TXN2: variants seen among roughly 807,000 people sequenced by gnomAD.
The protein encoded by TXN2 is thioredoxin, mitochondrial.
A neutral mutation model predicts 14.6 loss-of-function variants in TXN2; 12 were observed. The observed-to-expected ratio is 0.82, with a 90% confidence interval of 0.53 to 1.33. TXN2 has a LOEUF of 1.33. Among genes scored for constraint, TXN2 ranks in the 40% most tolerant of loss-of-function variants. The pLI is 0.00. For missense variants in TXN2, 173 were observed against 207.7 expected, an observed-to-expected ratio of 0.83 and a Z score of 1.03; for synonymous variants, 89 against 81.0, an observed-to-expected ratio of 1.10 and a Z score of -0.53.
intron 1 of TXN2, chr22:36,481,107 C>A: frequency 2.6e-6 from 1 of 383,014 alleles, no homozygotes; most frequent in East Asian, 4.4e-5. Context: ...GAGGAAGAAA[C>A]CAACAGATTT....
chr22:36,474,338 C>T (rs1444492230), intron 3 of TXN2, among the ~76,000 whole-genome samples: 2 of 152,132 alleles, frequency 1.3e-5, no homozygotes, highest in African/African-American at 2.4e-5. Flanking sequence ...GACTGATGTT[C>T]CTTTGGGTAA....
chr22:36,473,890 A>G lies in TXN2; in HGVS notation c.387+2843T>C, dbSNP rs374783414. Reference sequence around the variant, plus strand: ...TTCCCGCCACCCCACGAGACACTGGAGCAGGGCCTGTGGGCTTCTTTGCAT... The same window carrying G: ...TTCCCGCCACCCCACGAGACACTGGGGCAGGGCCTGTGGGCTTCTTTGCAT... On this transcript the variant is annotated intron_variant, in intron 3 of 3. Transcript: ENST00000216185. 3.2e-3 allele frequency among the ~76,000 whole-genome samples: 493 copies of G among 152,300 alleles called. 3 individuals carry two copies. Among genetic ancestry groups the G allele is most frequent in the African/African-American group, 0.011 (472 of 41,572 alleles).
chr22:36,467,756 C>T lies in TXN2; in HGVS notation c.*48G>A, dbSNP rs745878625. 3 of 1,507,048 alleles carry T rather than the reference C, an allele frequency of 2.0e-6. No individual in the cohort carries two copies. Among genetic ancestry groups the T allele is most frequent in the Non-Finnish European group, 9.2e-7 (1 of 1,084,428 alleles). The allele number at this position is 1,507,048 out of a possible 1,614,324, so 93.4% of individuals were successfully genotyped here. ...AGGGCTGGCATGGAAGGGCTGAGTT[C>T]TATTGGGGTCCCACGCGGGCAAGGG... On this transcript the variant is annotated 3_prime_UTR_variant, in exon 4 of 4. Coordinates refer to ENST00000216185, the MANE Select transcript of TXN2 (RefSeq NM_012473.4).
In TXN2 at chr22:36,476,867, G is replaced by A. The variant is rs369418045; in HGVS notation, c.264-11C>T. On this transcript the variant is annotated splice_polypyrimidine_tract_variant and intron_variant, in intron 2 of 3. Transcript: ENST00000216185. ...CAGGGTCCACACCACCTCAAAAGGC[G>A]AGAAAGGAAGCATCCAGTCAGTCAA... 4.8e-5 allele frequency: 77 copies of A among 1,614,076 alleles called. No individual in the cohort carries two copies. The highest frequency in any genetic ancestry group is 1.6e-4 in the Middle Eastern group (1 of 6,062).
rs534656599 is a variant in TXN2 at position 36,467,773 on chromosome 22, G to C, written c.*31C>G. On this transcript the variant is annotated 3_prime_UTR_variant, in exon 4 of 4. Coordinates refer to ENST00000216185, the MANE Select transcript of TXN2 (RefSeq NM_012473.4). Reference sequence around the variant, plus strand: ...GCTGAGTTCTATTGGGGTCCCACGCGGGCAAGGGAACCAGGACTCATCCCT... The same window carrying C: ...GCTGAGTTCTATTGGGGTCCCACGCCGGCAAGGGAACCAGGACTCATCCCT... The C allele has an allele frequency of 1.9e-6, 3 of 1,571,168 alleles. No individual in the cohort carries two copies. The highest frequency in any genetic ancestry group is 1.8e-6 in the Non-Finnish European group (2 of 1,142,290).
chr22:36,470,290 C>T (rs1310758035), intron 3 of TXN2, among the ~76,000 whole-genome samples: 4 of 152,230 alleles, frequency 2.6e-5, no homozygotes, highest in Admixed American at 2.0e-4. Flanking sequence ...TTGTTAGTGC[C>T]TCAGGCCCCT....
In TXN2 at chr22:36,480,635, G is replaced by A; in HGVS notation, c.203C>T (p.Pro68Leu). 1 of 1,614,186 alleles carries A rather than the reference G, an allele frequency of 6.2e-7. No homozygotes were observed. Among genetic ancestry groups the A allele is most frequent in the Middle Eastern group, 1.7e-4 (1 of 6,020 alleles). Residue 68 changes from proline to leucine, a missense_variant, in exon 2 of 4, where the codon CCT (proline) becomes CTT (leucine). Coordinates refer to ENST00000216185, the MANE Select transcript of TXN2 (RefSeq NM_012473.4). ...GTTGACCACTCGGTCTTGAAAGTCA[G>A]GTCCATCCTGGATATTAAAGGTTGT... Reference protein sequence around the residue: ...SLTTFNIQDGPDFQDRVVNSE... With the variant: ...SLTTFNIQDGLDFQDRVVNSE...
intron 3 of TXN2, among the ~76,000 whole-genome samples, chr22:36,469,637 T>G (rs1406994310): frequency 6.6e-6 from 1 of 152,178 alleles, no homozygotes; most frequent in Non-Finnish European, 1.5e-5. Context: ...CTGGCATTCG[T>G]GGGCATTTGA....
At chr22:36,469,481 T>G (rs897032989) in intron 3 of TXN2, among the ~76,000 whole-genome samples, 2 of 152,216 alleles carry the variant, frequency 1.3e-5, no homozygotes, top group African/African-American at 4.8e-5. Context: ...ATTAGCAGGT[T>G]GCAGGCAGAT....
chr22:36,476,212 G>A (rs1279212874), intron 3 of TXN2, among the ~76,000 whole-genome samples: 1 of 152,098 alleles, frequency 6.6e-6, no homozygotes, highest in East Asian at 1.9e-4. Context: ...TGGGTCATAC[G>A]ATCTACTTCC....
chr22:36,481,536 C>T, intron 1 of TXN2, 28 bp downstream of exon 1: 13 of 994,298 alleles, frequency 1.3e-5, no homozygotes, highest in Non-Finnish European at 1.6e-5. Flanking sequence ...CGCGACACCA[C>T]CTCGAGCCAC....
chr22:36,473,268 C>T (rs569971457), intron 3 of TXN2, among the ~76,000 whole-genome samples: 1 of 152,144 alleles, frequency 6.6e-6, no homozygotes, highest in African/African-American at 2.4e-5. Flanking sequence ...CATGGTAAAA[C>T]CTTGTCTCTA....
At chr22:36,479,113 GAC>G (rs1249264248) in intron 2 of TXN2, among the ~76,000 whole-genome samples, 1 of 152,104 alleles carries the variant, frequency 6.6e-6, no homozygotes, top group Non-Finnish European at 1.5e-5. Context: ...TAGCCTGGGT[GAC>G]AGAGTGAGAC....
intron 2 of TXN2, among the ~76,000 whole-genome samples, chr22:36,479,118 A>G (rs1203586624): frequency 6.6e-6 from 1 of 151,912 alleles, no homozygotes; most frequent in East Asian, 1.9e-4. Context: ...TGGGTGACAG[A>G]GTGAGACCTT....
intron 3 of TXN2, among the ~76,000 whole-genome samples, chr22:36,473,703 G>A (rs893157816): frequency 6.6e-6 from 1 of 152,178 alleles, no homozygotes; most frequent in Admixed American, 6.5e-5. Flanking sequence ...AGGCCTTTCT[G>A]TGTGACAGCA....
chr22:36,476,960 T>G, intron 2 of TXN2, 104 bp from the exon 3 acceptor site: 1 of 1,534,298 alleles, frequency 6.5e-7, no homozygotes, highest in Non-Finnish European at 8.8e-7. Flanking sequence ...TTGCCCTTAT[T>G]ATCTCTGTTT....
At chr22:36,475,398 C>T (rs1187082300) in intron 3 of TXN2, among the ~76,000 whole-genome samples, 1 of 152,196 alleles carries the variant, frequency 6.6e-6, no homozygotes. Flanking sequence ...AAAACCCTGC[C>T]TCATACGCAG....
chr22:36,471,892 T>C (rs8136921), intron 3 of TXN2, among the ~76,000 whole-genome samples: 34,368 of 150,306 alleles, frequency 0.23, 4,402 homozygotes, highest in African/African-American at 0.35. Flanking sequence ...AGTGCTTGAA[T>C]GCGGGAGATG....
rs567685859 is a variant in TXN2 at position 36,467,598 on chromosome 22, G to A, written c.*206C>T. On this transcript the variant is annotated 3_prime_UTR_variant, in exon 4 of 4. Coordinates refer to ENST00000216185, the MANE Select transcript of TXN2 (RefSeq NM_012473.4). ...AAAGGCGTATGGGAGGGAAGACAGC[G>A]GTCCCCGGATCAGCAGCAGCACCAC... is the stretch of plus-strand genomic sequence containing the variant. The A allele has an allele frequency of 8.3e-5, 47 of 563,222 alleles. No homozygotes were observed. Among genetic ancestry groups the A allele is most frequent in the Admixed American group, 4.7e-4 (16 of 33,768 alleles). The allele number at this position is 563,222 out of a possible 1,614,324, so 34.9% of individuals were successfully genotyped here. A position where few individuals can be genotyped will look rare whatever the true frequency, so the allele number is the denominator to read the frequency against.
Sources: gnomAD v4.1 joint callset for allele counts (sites outside exome capture counted in the v4.1 genomes callset) on GRCh38, gnomAD v4.1.1 for gene constraint, MANE v1.5 for transcripts, NCBI Gene and HGNC (gene_info 2026-07-23, HGNC 2026-07-21) for gene names.